Variants in CADM2 observed in about 807,000 individuals in gnomAD.
CADM2 encodes immunoglobulin superfamily member 4D.
Under a neutral mutation model 49.8 loss-of-function variants are expected in CADM2, and 12 were observed. The observed-to-expected ratio is 0.24, with a 90% CI of 0.15 to 0.39. CADM2 has a LOEUF of 0.39. Among genes scored for constraint, CADM2 ranks in the 10% least tolerant of loss-of-function variants. The pLI is 1.00. For synonymous variants in CADM2, 214 were observed against 175.4 expected (o/e 1.22, Z -1.74); for missense variants, 378 against 492.3 (o/e 0.77, Z 2.20).
chr3:85,768,446 AAAAT>A (rs200753994), intron 2 of CADM2, among the ~76,000 whole-genome samples: 2 of 135,564 alleles, frequency 1.5e-5, no homozygotes, highest in African/African-American at 2.7e-5. Flanking sequence ...ACTCCATCTC[AAAAT>A]AAATAAATAA....
rs1169179094 is a variant in CADM2, at chr3:86,069,334, A to T, written c.*2551A>T. The T allele has an allele frequency of 6.6e-6, 1 of 151,998 alleles. No individual in the cohort carries two copies. Among genetic ancestry groups the T allele is most frequent in the Non-Finnish European group, 1.5e-5 (1 of 67,884 alleles). 9.4% of individuals were successfully genotyped at this position (151,998 alleles called of 1,614,324 possible). On this transcript the variant is annotated 3_prime_UTR_variant, in exon 10 of 10. Coordinates refer to ENST00000383699, the MANE Select transcript of CADM2 (RefSeq NM_001167675.2). ...CTTATAAAACCAGTTAGCTAAAACA[A>T]CTAGATTATTATACTAGTTATAAAT...
In CADM2 at chr3:85,602,381, C is replaced by T. The variant is rs192432629; in HGVS notation, c.62-124141C>T. On this transcript the variant is annotated intron_variant, in intron 1 of 9. Coordinates refer to ENST00000383699, the MANE Select transcript of CADM2 (RefSeq NM_001167675.2). Reference sequence around the variant, plus strand: ...TCTAGCAAGCAAACTTCATTTTGAACGAAGTAACTAAATATTGACTGAGAG... The same window carrying T: ...TCTAGCAAGCAAACTTCATTTTGAATGAAGTAACTAAATATTGACTGAGAG... Among the ~76,000 whole-genome samples, 356 of 151,752 alleles carry T rather than the reference C, an allele frequency of 2.3e-3. 1 individual carries two copies. Among genetic ancestry groups the T allele is most frequent in the Non-Finnish European group, 3.5e-3 (237 of 67,770 alleles).
chr3:85,289,052 A>C (rs2043708894), intron 1 of CADM2, among the ~76,000 whole-genome samples: 1 of 152,178 alleles, frequency 6.6e-6, no homozygotes, highest in Admixed American at 6.5e-5. Flanking sequence ...CACTAAAATA[A>C]AATGTGTGCC....
chr3:85,970,263 C>CTTT, intron 8 of CADM2, among the ~76,000 whole-genome samples: 1 of 151,454 alleles, frequency 6.6e-6, no homozygotes, highest in South Asian at 2.1e-4. Flanking sequence ...GTGTTTTCAT[C>CTTT]TTTTTGCAAA....
intron 2 of CADM2, among the ~76,000 whole-genome samples, chr3:85,726,807 G>T (rs1345367232): frequency 6.6e-6 from 1 of 151,960 alleles, no homozygotes; most frequent in Non-Finnish European, 1.5e-5. Flanking sequence ...GTGCAATAAA[G>T]TGCTTTTTTT....
chr3:85,069,420 G>A (rs2036642164), intron 1 of CADM2, among the ~76,000 whole-genome samples: 1 of 152,036 alleles, frequency 6.6e-6, no homozygotes, highest in Non-Finnish European at 1.5e-5. Flanking sequence ...TTATGCATGT[G>A]TAATCAAAAA....
Position 85,161,817 on chromosome 3 carries a change from A to T in CADM2, c.61+202149A>T, listed in dbSNP as rs979838538. On this transcript the variant is annotated intron_variant, in intron 1 of 9. Transcript: ENST00000383699. ...CGGATCACTTGAGGTCAGGAGTTTG[A>T]TACTAGTCTGGCCAACATGGTGAAA... 1.3e-5 allele frequency among the ~76,000 whole-genome samples: 2 copies of T among 152,082 alleles called. 1 individual carries two copies. Among genetic ancestry groups the T allele is most frequent in the South Asian group, 4.1e-4 (2 of 4,828 alleles).
intron 1 of CADM2, among the ~76,000 whole-genome samples, chr3:85,167,010 G>GTTTGT (rs2040488033): frequency 6.6e-6 from 1 of 152,042 alleles, no homozygotes; most frequent in Admixed American, 6.6e-5. Context: ...TAAGGCATAT[G>GTTTGT]CCTTAGTTCT....
intron 1 of CADM2, among the ~76,000 whole-genome samples, chr3:85,136,284 T>C (rs2039412163): frequency 6.6e-6 from 1 of 151,842 alleles, no homozygotes; most frequent in Admixed American, 6.6e-5. Flanking sequence ...CCCTCCTAAA[T>C]GTAGCTTTTA....
At chr3:86,027,058 T>A (rs1015633834) in intron 8 of CADM2, among the ~76,000 whole-genome samples, 7 of 152,148 alleles carry the variant, frequency 4.6e-5, no homozygotes, top group Non-Finnish European at 4.4e-5. Flanking sequence ...AGAATAAAAT[T>A]ATTTTTGCTC....
chr3:85,649,811 G>A (rs752791658), intron 1 of CADM2, among the ~76,000 whole-genome samples: 21 of 152,162 alleles, frequency 1.4e-4, no homozygotes, highest in Admixed American at 7.9e-4. Context: ...TTATAAATTC[G>A]TTTTCATTTG....
intron 1 of CADM2, among the ~76,000 whole-genome samples, chr3:85,621,096 G>C (rs1276255586): frequency 6.6e-6 from 1 of 152,070 alleles, no homozygotes; most frequent in East Asian, 1.9e-4. Context: ...TGGAAGTATA[G>C]TCATATACCA....
rs193163892 is a variant in CADM2, at chr3:85,812,780, A to G, written c.238+10584A>G. On this transcript the variant is annotated intron_variant, in intron 3 of 9. Transcript: ENST00000383699. ...TGTTCTCCTTGTTCAACTACCACTT[A>G]TGAGTGAGAACATGTGGTGTTTGGT... 9.3e-4 allele frequency among the ~76,000 whole-genome samples: 141 copies of G among 152,136 alleles called. 4 individuals are homozygous for G. In the South Asian group the frequency reaches 0.028, roughly 30 times the overall value.
intron 1 of CADM2, among the ~76,000 whole-genome samples, chr3:84,992,329 A>G (rs920491728): frequency 2.0e-5 from 3 of 152,220 alleles, no homozygotes; most frequent in Non-Finnish European, 4.4e-5. Context: ...AAGCCTTTGG[A>G]AAATGCTATT....
At chr3:85,442,918 G>A (rs2037280499) in intron 1 of CADM2, among the ~76,000 whole-genome samples, 2 of 151,572 alleles carry the variant, frequency 1.3e-5, no homozygotes, top group South Asian at 4.2e-4. Flanking sequence ...TATTTGCTGA[G>A]CATTTCTTCT....
intron 1 of CADM2, among the ~76,000 whole-genome samples, chr3:85,455,790 A>G (rs1299198205): frequency 1.3e-5 from 2 of 152,166 alleles, no homozygotes; most frequent in African/African-American, 2.4e-5. Context: ...CACAAGCCTC[A>G]AACAATTATG....
chr3:85,734,042 A>C (rs2068036521), intron 2 of CADM2, among the ~76,000 whole-genome samples: 6 of 152,146 alleles, frequency 3.9e-5, no homozygotes, highest in Admixed American at 3.9e-4. Flanking sequence ...CAATGCTACA[A>C]CACCAAAATT....
intron 7 of CADM2, among the ~76,000 whole-genome samples, chr3:85,954,514 A>G (rs1482973382): frequency 6.6e-6 from 1 of 151,026 alleles, no homozygotes; most frequent in African/African-American, 2.4e-5. Context: ...TTGTATTTAC[A>G]TTTTAATTTT....
chr3:85,883,689 T>C (rs1713147783), intron 4 of CADM2, among the ~76,000 whole-genome samples: 1 of 152,242 alleles, frequency 6.6e-6, no homozygotes, highest in African/African-American at 2.4e-5. Flanking sequence ...ATTTTGTTTC[T>C]TAGCCAGCAA....
Sources: allele counts gnomAD v4.1 joint callset (sites outside exome capture counted in the v4.1 genomes callset), GRCh38; gene constraint gnomAD v4.1.1; transcripts MANE v1.5; gene names NCBI Gene and HGNC (gene_info 2026-07-23, HGNC 2026-07-21).